KLF15: variants seen among roughly 807,000 people sequenced by gnomAD.
KLF15 encodes the protein Krueppel-like factor 15.
Under a neutral mutation model 24.6 loss-of-function variants are expected in KLF15, and 4 were observed. The observed-to-expected ratio is 0.16, with a 90% CI of 0.08 to 0.37. The LOEUF is 0.37. Among genes scored for constraint, KLF15 ranks in the 10% least tolerant of loss-of-function variants. The probability of loss-of-function intolerance (pLI) is 1.00; values close to 1 mark genes in which losing one functional copy is unlikely to be tolerated. For synonymous variants in KLF15, 246 were observed against 236.3 expected (o/e 1.04, Z -0.37); for missense variants, 496 against 560.6 (o/e 0.88, Z 1.16).
In KLF15 at chr3:126,343,461, G is replaced by GGAAGGCAC. The variant is rs70940816; in HGVS notation, c.*258_*265dup. On this transcript the variant is annotated 3_prime_UTR_variant, in exon 3 of 3. Transcript: ENST00000296233. Reference sequence around the variant, plus strand: ...CTGCAGCAGAGGCCTGGCCACCGCGGGAAGGCACGAAGGCACGAAGGCACG... The same window carrying GGAAGGCAC: ...CTGCAGCAGAGGCCTGGCCACCGCGGGAAGGCACGAAGGCACGAAGGCACGAAGGCACG... 46,914 of 425,888 alleles carry GGAAGGCAC rather than the reference G, an allele frequency of 0.11. 3,314 individuals are homozygous for GGAAGGCAC. The highest frequency in any genetic ancestry group is 0.19 in the Admixed American group (4,002 of 20,880). The allele number at this position is 425,888 out of a possible 1,614,324, so 26.4% of individuals were successfully genotyped here.
At chr3:126,299,875 C>T in the KLF15 span, among the ~76,000 whole-genome samples, 1 of 152,028 alleles carries the variant, frequency 6.6e-6, no homozygotes, top group Non-Finnish European at 1.5e-5. Flanking sequence ...GAGAAGCCCA[C>T]CCTGCAGACA....
the KLF15 span, among the ~76,000 whole-genome samples, chr3:126,291,635 C>T: frequency 3.3e-5 from 5 of 152,260 alleles, no homozygotes; most frequent in South Asian, 2.1e-4. Context: ...CAGGTGGCTG[C>T]GTCCCGGCCT....
In KLF15 at chr3:126,343,828, G is replaced by A. The variant is rs575298218; in HGVS notation, c.1150C>T (p.Pro384Ser). The A allele has an allele frequency of 1.2e-6, 2 of 1,611,638 alleles. No individual in the cohort carries two copies. Among genetic ancestry groups the A allele is most frequent in the Admixed American group, 3.3e-5 (2 of 59,952 alleles). ...CGCGCGAACTTCTTCTCGCACACAGGACACTGGTACGGCTTCACACCTGAG... is the reference window on the plus strand; with the variant it reads ...CGCGCGAACTTCTTCTCGCACACAGAACACTGGTACGGCTTCACACCTGAG... ...SHSGVKPYQC[P>S]VCEKKFARSD... Residue 384 changes from proline to serine, a missense_variant, in exon 3 of 3, where the codon CCT (proline) becomes TCT (serine). This residue lies in a region of KLF15 where 59 missense variants were observed against 106.1 expected (regional missense o/e 0.56). Transcript: ENST00000296233.
At chr3:126,308,216 A>T in the KLF15 span, among the ~76,000 whole-genome samples, 7 of 152,150 alleles carry the variant, frequency 4.6e-5, no homozygotes, top group African/African-American at 7.2e-5. Flanking sequence ...CAGGAAGCGA[A>T]TATCGGTGGA....
Position 126,343,477 on chromosome 3 carries a change from C to T in KLF15, c.*250G>A, listed in dbSNP as rs1411313947. On this transcript the variant is annotated 3_prime_UTR_variant, in exon 3 of 3. Coordinates refer to ENST00000296233, the MANE Select transcript of KLF15 (RefSeq NM_014079.4). ...GCCACCGCGGGAAGGCACGAAGGCA[C>T]GAAGGCACGAAGGCCTGCCTCCAGC... The T allele has an allele frequency of 6.4e-6, 3 of 466,238 alleles. No individual in the cohort carries two copies. Among genetic ancestry groups the T allele is most frequent in the Non-Finnish European group, 1.1e-5 (3 of 265,936 alleles). 28.9% of individuals were successfully genotyped at this position (466,238 alleles called of 1,614,324 possible). A position where few individuals can be genotyped will look rare whatever the true frequency, so the allele number is the denominator to read the frequency against.
At chr3:126,317,534 A>G in the KLF15 span, among the ~76,000 whole-genome samples, 1 of 151,982 alleles carries the variant, frequency 6.6e-6, no homozygotes, top group Admixed American at 6.6e-5. Context: ...TTCCAGGGAG[A>G]TGTGACTGGG....
At chr3:126,321,751 G>A in the KLF15 span, among the ~76,000 whole-genome samples, 2 of 152,166 alleles carry the variant, frequency 1.3e-5, no homozygotes, top group African/African-American at 4.8e-5. Context: ...GAATTGCTGG[G>A]TGTCCCCGCT....
At chr3:126,295,865 G>A in the KLF15 span, among the ~76,000 whole-genome samples, 1 of 152,162 alleles carries the variant, frequency 6.6e-6, no homozygotes, top group African/African-American at 2.4e-5. Flanking sequence ...CAAGAACACT[G>A]TTAGGTTGGA....
At chr3:126,316,203 G>A in the KLF15 span, among the ~76,000 whole-genome samples, 23 of 152,100 alleles carry the variant, frequency 1.5e-4, no homozygotes, top group Non-Finnish European at 2.9e-4. Flanking sequence ...GGGAGTGCAC[G>A]GGCGGAGTGG....
the KLF15 span, among the ~76,000 whole-genome samples, chr3:126,311,977 T>C: frequency 2.0e-5 from 3 of 152,158 alleles, no homozygotes; most frequent in Non-Finnish European, 4.4e-5. Context: ...CTGCTCCAGC[T>C]CTTCCTGGTA....
At chr3:126,322,386 G>T in the KLF15 span, among the ~76,000 whole-genome samples, 1 of 152,088 alleles carries the variant, frequency 6.6e-6, no homozygotes, top group Non-Finnish European at 1.5e-5. Flanking sequence ...GCATTCCCCA[G>T]CTCCTTGCCC....
the KLF15 span, among the ~76,000 whole-genome samples, chr3:126,299,747 CAAAAAAAAAAAAA>C: frequency 1.8e-5 from 1 of 55,978 alleles, no homozygotes; most frequent in Non-Finnish European, 3.1e-5. Flanking sequence ...CACTCCATCT[CAAAAAAAAAAAAA>C]AAAAAAAAAA....
Position 126,343,225 on chromosome 3 carries a change from G to GCATCTTAGA in KLF15, c.*493_*501dup, listed in dbSNP as rs2082496535. ...ACCCTCTGGTGATCATGCTGAGCAG[G>GCATCTTAGA]CATCTTAGACAAAGCCACCCTCACA... is the stretch of plus-strand genomic sequence containing the variant. On this transcript the variant is annotated 3_prime_UTR_variant, in exon 3 of 3. Transcript: ENST00000296233. 1 of 127,504 alleles carries GCATCTTAGA rather than the reference G, an allele frequency of 7.8e-6. No individual in the cohort carries two copies. The highest frequency in any genetic ancestry group is 1.6e-5 in the Non-Finnish European group (1 of 62,546). The allele number at this position is 127,504 out of a possible 1,614,324, so 7.9% of individuals were successfully genotyped here.
At chr3:126,317,747 C>T in the KLF15 span, among the ~76,000 whole-genome samples, 2 of 152,180 alleles carry the variant, frequency 1.3e-5, no homozygotes, top group African/African-American at 4.8e-5. Context: ...TCAAGTTGCC[C>T]ACTTGGCCCT....
At chr3:126,303,207 T>C in the KLF15 span, among the ~76,000 whole-genome samples, 1 of 152,070 alleles carries the variant, frequency 6.6e-6, no homozygotes, top group Admixed American at 6.6e-5. Flanking sequence ...AAGAAAGAAG[T>C]ATTAACATTT....
Position 126,352,055 on chromosome 3 carries a change from G to C in KLF15, c.868C>G (p.Pro290Ala). 2 of 1,530,864 alleles carry C rather than the reference G, an allele frequency of 1.3e-6. No homozygotes were observed. Among genetic ancestry groups the C allele is most frequent in the Non-Finnish European group, 1.8e-6 (2 of 1,136,942 alleles). The allele number at this position is 1,530,864 out of a possible 1,614,324, so 94.8% of individuals were successfully genotyped here. A position where few individuals can be genotyped will look rare whatever the true frequency, so the allele number is the denominator to read the frequency against. The change falls in exon 2 of 3, where the codon CCT becomes GCT. Residue 290 changes from proline (P) to alanine (A), a missense_variant. Transcript: ENST00000296233. ...RIAPVPIAAK[P>A]VGSGPLGPGP... The stretch of plus-strand genomic sequence containing the variant: ...GGCCCCAGGGGTCCCGATCCAACAG[G>C]CTTGGCGGCAATGGGCACAGGGGCA...
At position 126,351,876 on chromosome 3, in the gene KLF15, C is replaced by T; in HGVS notation, c.1047G>A (p.Lys349=). ...AGCCTGGCCAGGTGCAGGCGAAGGG[C>T]TTCTCACCCGTGTGCCGGCGCAGGT... ...KAHLRRHTGE[K]PFACTWPGCG... The change falls in exon 2 of 3, where the codon AAG becomes AAA. Residue 349 remains lysine (K), a synonymous_variant. Transcript: ENST00000296233. 1 of 1,614,050 alleles carries T rather than the reference C, an allele frequency of 6.2e-7. No individual in the cohort carries two copies. Among genetic ancestry groups the T allele is most frequent in the Non-Finnish European group, 8.5e-7 (1 of 1,179,980 alleles).
the KLF15 span, among the ~76,000 whole-genome samples, chr3:126,335,868 G>A: frequency 3.0e-4 from 36 of 121,706 alleles, no homozygotes; most frequent in African/African-American, 1.2e-3. Flanking sequence ...AACTTACAAG[G>A]GATGTGAAGG....
Position 126,356,945 on chromosome 3 carries a change from C to A in KLF15, c.-26+292G>T, listed in dbSNP as rs2082637768. On this transcript the variant is annotated intron_variant, in intron 1 of 2. Transcript: ENST00000296233. This position sits in a 1 kb window ranked among gnomAD's most constrained non-coding sequence, Gnocchi z 4.4. ...GCCGGTGCCCACCATATGGGAGGGC[C>A]GGCCCGCAAGGCGCGCCACGGAATC... is the stretch of plus-strand genomic sequence containing the variant. 6.6e-6 allele frequency among the ~76,000 whole-genome samples: 1 copy of A among 151,962 alleles called. No homozygotes were observed. Among genetic ancestry groups the A allele is most frequent in the African/African-American group, 2.4e-5 (1 of 41,390 alleles).
Sources: gnomAD v4.1 joint callset for allele counts (sites outside exome capture counted in the v4.1 genomes callset) on GRCh38, gnomAD v4.1.1 for gene constraint, gnomAD v4.1.1 regional missense constraint, Gnocchi (gnomAD v3.1) non-coding constraint, MANE v1.5 for transcripts, NCBI Gene and HGNC (gene_info 2026-07-23, HGNC 2026-07-21) for gene names.